The following MAP3K8 variants were observed in gnomAD, a reference collection of about 807,000 sequenced individuals.
MAP3K8 encodes the protein mitogen-activated protein kinase kinase kinase 8, also known as Ewing sarcoma transformant.
Under a neutral mutation model 45.8 loss-of-function variants are expected in MAP3K8, and 22 were observed. The ratio of observed to expected loss-of-function variants is 0.48; its 90% CI spans 0.34 to 0.69. MAP3K8 has a LOEUF of 0.69. Ranked by LOEUF, MAP3K8 falls within the 30% of genes least tolerant of loss-of-function variation. The probability of loss-of-function intolerance (pLI) is 0.01; values close to 1 mark genes in which losing one functional copy is unlikely to be tolerated. For synonymous variants in MAP3K8, 223 were observed against 214.3 expected, an observed-to-expected ratio of 1.04 and a Z score of -0.36; for missense variants, 419 against 585.0, an observed-to-expected ratio of 0.72 and a Z score of 2.93.
rs189531920 is a variant in MAP3K8 at position 30,449,306 on chromosome 10, G to C, written c.505-952G>C. 1.3e-4 allele frequency among the ~76,000 whole-genome samples: 20 copies of C among 152,192 alleles called. No individual in the cohort carries two copies. In the East Asian group the frequency reaches 3.1e-3, roughly 24 times the overall value. The stretch of plus-strand genomic sequence containing the variant: ...GTCGCCCAGGCTGGAGTGTAGTGGC[G>C]CAATCTTGGCTCACCTCAACCTCTG... On this transcript the variant is annotated intron_variant, in intron 4 of 8. Transcript: ENST00000263056.
At chr10:30,445,550 A>T (rs1381261933) in intron 3 of MAP3K8, among the ~76,000 whole-genome samples, 2 of 152,238 alleles carry the variant, frequency 1.3e-5, no homozygotes, top group Non-Finnish European at 2.9e-5. Context: ...ATATTTAATG[A>T]CAAGAAACGG....
In MAP3K8 at chr10:30,447,823, T is replaced by C. The variant is rs555101751; in HGVS notation, c.378T>C (p.Asp126=). The C allele has an allele frequency of 1.9e-6, 3 of 1,613,930 alleles. No individual in the cohort carries two copies. The South Asian group carries it at 3.3e-5, about 18-fold the overall frequency. The change falls in exon 4 of 9, where the codon GAT becomes GAC. Residue 126 remains aspartate, a synonymous_variant. Transcript: ENST00000263056. The part of the protein sequence containing the change: ...PQNGRYQIDS[D]VLLIPWKLTY... ...ATGGACGTTACCAAATAGATTCCGA[T>C]GTTCTCCTGATCCCCTGGAAGCTGA...
In MAP3K8 at chr10:30,439,303, T is replaced by C. The variant is rs1375691208; in HGVS notation, c.336+29T>C. ...CGTTTCTTTCCGATCAGTTGGGTGC[T>C]ATGTGCTCAGCTTTCCTACTGCAGC... On this transcript the variant is annotated intron_variant, in intron 3 of 8. Transcript: ENST00000263056. The C allele has an allele frequency of 3.7e-6, 6 of 1,611,274 alleles. No homozygotes were observed. In the South Asian group the frequency reaches 4.4e-5, roughly 12 times the overall value.
rs1836509240 is a variant in MAP3K8 at position 30,450,764 on chromosome 10, C to T, written c.766+245C>T. 4 of 461,580 alleles carry T rather than the reference C, an allele frequency of 8.7e-6. No homozygotes were observed. The Admixed American group carries it at 1.4e-4, about 17-fold the overall frequency. 28.6% of individuals were successfully genotyped at this position (461,580 alleles called of 1,614,324 possible). On this transcript the variant is annotated intron_variant, in intron 5 of 8. Coordinates refer to ENST00000263056, the MANE Select transcript of MAP3K8 (RefSeq NM_005204.4). ...GTTATAGCTACATACCTATTAGGTA[C>T]TGCTCTGTTAAAAAGGCTTTTAAAA... is the stretch of plus-strand genomic sequence containing the variant.
chr10:30,437,115 GC>G, intron 1 of MAP3K8, 60 bp from the exon 2 acceptor site: 1 of 926,966 alleles, frequency 1.1e-6, no homozygotes, highest in Non-Finnish European at 1.3e-6. Flanking sequence ...GGTGATAACA[GC>G]CATGAAAGCA....
At chr10:30,460,207 G>A (rs1470669686) in intron 8 of MAP3K8, among the ~76,000 whole-genome samples, 1 of 152,184 alleles carries the variant, frequency 6.6e-6, no homozygotes, top group African/African-American at 2.4e-5. Context: ...GCCCTGCACA[G>A]ATAAAATACT....
At chr10:30,452,746 G>T (rs1470138572) in intron 6 of MAP3K8, among the ~76,000 whole-genome samples, 1 of 152,112 alleles carries the variant, frequency 6.6e-6, no homozygotes, top group African/African-American at 2.4e-5. Flanking sequence ...AGTGGCGCAT[G>T]ATCTCAGCTC....
chr10:30,453,379 C>A (rs1287936980), intron 6 of MAP3K8, among the ~76,000 whole-genome samples: 1 of 152,000 alleles, frequency 6.6e-6, no homozygotes, highest in Non-Finnish European at 1.5e-5. Context: ...CTATAATAAA[C>A]CTCAAGTAGT....
At chr10:30,444,189 T>TAA (rs879650669) in intron 3 of MAP3K8, among the ~76,000 whole-genome samples, 1 of 137,584 alleles carries the variant, frequency 7.3e-6, no homozygotes, top group Admixed American at 7.3e-5. Context: ...GACCCTGTCT[T>TAA]AAAAAAAAAA....
intron 3 of MAP3K8, among the ~76,000 whole-genome samples, chr10:30,442,452 C>T (rs901306835): frequency 1.3e-5 from 2 of 152,182 alleles, no homozygotes; most frequent in East Asian, 1.9e-4. Context: ...AGCCAACAAC[C>T]ACAACACCAT....
chr10:30,453,037 A>G (rs1027725909), intron 6 of MAP3K8, among the ~76,000 whole-genome samples: 2 of 152,156 alleles, frequency 1.3e-5, no homozygotes, highest in Non-Finnish European at 2.9e-5. Flanking sequence ...TAAGTTTAGC[A>G]CTTAAAAAGC....
intron 3 of MAP3K8, among the ~76,000 whole-genome samples, chr10:30,439,750 G>A (rs982590038): frequency 1.3e-5 from 2 of 152,054 alleles, no homozygotes; most frequent in Non-Finnish European, 2.9e-5. Flanking sequence ...TGGAGGTTGT[G>A]ATGAGCCGAG....
chr10:30,457,635 G>GTGTTT (rs571549289), intron 6 of MAP3K8, among the ~76,000 whole-genome samples: 118 of 152,186 alleles, frequency 7.8e-4, no homozygotes, highest in South Asian at 2.5e-3. Flanking sequence ...GAAAAAGGTG[G>GTGTTT]TGTTTTGTTT....
intron 3 of MAP3K8, among the ~76,000 whole-genome samples, chr10:30,444,417 CG>C (rs2132797031): frequency 6.6e-6 from 1 of 151,830 alleles, no homozygotes; most frequent in South Asian, 2.1e-4. Flanking sequence ...GAGCTGAGAT[CG>C]CCCCATTGCA....
At chr10:30,451,038 G>C (rs1408966041) in intron 5 of MAP3K8, among the ~76,000 whole-genome samples, 1 of 149,828 alleles carries the variant, frequency 6.7e-6, no homozygotes. Context: ...GTTGCAGTGA[G>C]CTGAGATGGC....
intron 6 of MAP3K8, among the ~76,000 whole-genome samples, chr10:30,457,500 A>G (rs1381552833): frequency 6.6e-6 from 1 of 152,228 alleles, no homozygotes; most frequent in African/African-American, 2.4e-5. Context: ...GTTCATTTAA[A>G]TATAAAAGGA....
chr10:30,442,419 A>C (rs8177055), intron 3 of MAP3K8, among the ~76,000 whole-genome samples: 2,896 of 152,332 alleles, frequency 0.019, 50 homozygotes, highest in Non-Finnish European at 0.027. Flanking sequence ...GTCCAGAGAC[A>C]TGGAGACCTG....
At chr10:30,460,617 C>T in intron 8 of MAP3K8, 89 bp from the exon 9 acceptor site, 1 of 1,083,754 alleles carries the variant, frequency 9.2e-7, no homozygotes. Flanking sequence ...TTTATTAGGC[C>T]CCAAAGATTT....
At chr10:30,454,737 A>C (rs1298389107) in intron 6 of MAP3K8, among the ~76,000 whole-genome samples, 4 of 151,910 alleles carry the variant, frequency 2.6e-5, no homozygotes, top group Non-Finnish European at 5.9e-5. Context: ...CAATATTCAG[A>C]AGGGAAGCTG....
Sources: gnomAD v4.1 joint callset for allele counts (sites outside exome capture counted in the v4.1 genomes callset) on GRCh38, gnomAD v4.1.1 for gene constraint, MANE v1.5 for transcripts, NCBI Gene and HGNC (gene_info 2026-07-23, HGNC 2026-07-21) for gene names.